SCCPDH: variants seen among roughly 807,000 people sequenced by gnomAD.
SCCPDH encodes saccharopine dehydrogenase-like oxidoreductase.
In SCCPDH, 34 loss-of-function variants were observed where a neutral mutation model predicts 51.5. The observed-to-expected ratio is 0.66, with a 90% CI of 0.50 to 0.88. The LOEUF is 0.88. SCCPDH is among the 40% of genes least tolerant of loss of function. The probability of loss-of-function intolerance (pLI) is 0.00; values close to 1 mark genes in which losing one functional copy is unlikely to be tolerated. For missense variants in SCCPDH, 464 were observed against 527.1 expected (o/e 0.88, Z 1.17); for synonymous variants, 187 against 191.3 (o/e 0.98, Z 0.19).
At position 246,731,959 on chromosome 1, in the gene SCCPDH, C is replaced by T. The variant is rs534701927; in HGVS notation, c.304-4016C>T. On this transcript the variant is annotated intron_variant, in intron 2 of 11. Coordinates refer to ENST00000366510, the MANE Select transcript of SCCPDH (RefSeq NM_016002.3). ...GTTCCCACCTGTGAGTGAGATCATGCGGTATTTGGTTTTCTGTCCTTGTGA... is the reference window on the plus strand; with the variant it reads ...GTTCCCACCTGTGAGTGAGATCATGTGGTATTTGGTTTTCTGTCCTTGTGA... Among the ~76,000 whole-genome samples, 8 of 151,328 alleles carry T rather than the reference C, an allele frequency of 5.3e-5. No homozygotes were observed. The East Asian group carries it at 5.9e-4, about 11-fold the overall frequency.
chr1:246,730,647 G>A (rs1017407514), intron 2 of SCCPDH, among the ~76,000 whole-genome samples: 1 of 152,180 alleles, frequency 6.6e-6, no homozygotes, highest in Non-Finnish European at 1.5e-5. Flanking sequence ...TTAACGGAAC[G>A]TCATGTTTTT....
intron 3 of SCCPDH, among the ~76,000 whole-genome samples, chr1:246,738,226 C>A (rs1309947706): frequency 1.3e-5 from 2 of 151,166 alleles, no homozygotes; most frequent in Non-Finnish European, 2.9e-5. Context: ...ATTAAAGAAC[C>A]AGAGGGCTGG....
rs1297374518 is a variant in SCCPDH at position 246,760,276 on chromosome 1, A to G, written c.990+49A>G. ...CTAAAATAATATTTTTCTTTGTGCA[A>G]TGACGGTATCATCTAACACTTGACA... On this transcript the variant is annotated intron_variant, in intron 9 of 11. Transcript: ENST00000366510. 24 of 1,491,170 alleles carry G rather than the reference A, an allele frequency of 1.6e-5. No homozygotes were observed. In the South Asian group the frequency reaches 1.7e-4, roughly 11 times the overall value. 92.4% of individuals were successfully genotyped at this position (1,491,170 alleles called of 1,614,324 possible). A position where few individuals can be genotyped will look rare whatever the true frequency, so the allele number is the denominator to read the frequency against.
chr1:246,741,327 A>T lies in SCCPDH; in HGVS notation c.514+1026A>T, dbSNP rs1572297164. ...CTATATAAAATTTTAATCCAGTGCC[A>T]TTTTAAAAAGTTTTTTAAGAGACAG... is the stretch of plus-strand genomic sequence containing the variant. On this transcript the variant is annotated intron_variant, in intron 4 of 11. Coordinates refer to ENST00000366510, the MANE Select transcript of SCCPDH (RefSeq NM_016002.3). Among the ~76,000 whole-genome samples the T allele has an allele frequency of 7.2e-5, 11 of 152,308 alleles. No homozygotes were observed. The South Asian group carries it at 2.3e-3, about 32-fold the overall frequency.
At chr1:246,760,259 A>T in intron 9 of SCCPDH, 32 bp downstream of exon 9, 2 of 1,559,820 alleles carry the variant, frequency 1.3e-6, no homozygotes, top group Non-Finnish European at 1.7e-6. Flanking sequence ...CACTAAAATA[A>T]TATTTTTCTT....
At chr1:246,737,814 A>C (rs900386436) in intron 3 of SCCPDH, among the ~76,000 whole-genome samples, 11 of 151,344 alleles carry the variant, frequency 7.3e-5, no homozygotes, top group Non-Finnish European at 1.3e-4. Flanking sequence ...TTGGTCTTGA[A>C]CTCCTGGCCT....
intron 9 of SCCPDH, among the ~76,000 whole-genome samples, chr1:246,761,874 A>G (rs1346550151): frequency 6.6e-6 from 1 of 152,216 alleles, no homozygotes; most frequent in Non-Finnish European, 1.5e-5. Context: ...ATACCTCTTC[A>G]AGACTCTGCT....
At chr1:246,758,901 G>A in intron 6 of SCCPDH, 133 bp from the exon 7 acceptor site, 1 of 704,350 alleles carries the variant, frequency 1.4e-6, no homozygotes, top group East Asian at 2.6e-5. Context: ...TGATCCTCCT[G>A]CCTCGGCCTC....
At chr1:246,731,993 T>C (rs1476704625) in intron 2 of SCCPDH, among the ~76,000 whole-genome samples, 2 of 152,082 alleles carry the variant, frequency 1.3e-5, no homozygotes, top group African/African-American at 4.8e-5. Flanking sequence ...GATAGTTTGC[T>C]CAGAATGATG....
intron 5 of SCCPDH, among the ~76,000 whole-genome samples, chr1:246,754,097 C>T (rs771089520): frequency 3.9e-5 from 6 of 151,912 alleles, no homozygotes; most frequent in Non-Finnish European, 7.4e-5. Flanking sequence ...ATCCTTTAGC[C>T]CCACCTGCTG....
intron 2 of SCCPDH, among the ~76,000 whole-genome samples, chr1:246,730,424 C>T (rs943321988): frequency 5.9e-5 from 9 of 152,194 alleles, no homozygotes; most frequent in East Asian, 3.8e-4. Flanking sequence ...GAGGCCTCAG[C>T]GTTTAAGCTT....
At chr1:246,730,291 T>G (rs1325407517) in intron 2 of SCCPDH, among the ~76,000 whole-genome samples, 2 of 152,170 alleles carry the variant, frequency 1.3e-5, no homozygotes, top group African/African-American at 4.8e-5. Context: ...CTGACCACTT[T>G]CTCCTTTCTT....
At chr1:246,727,064 T>C in intron 2 of SCCPDH, 60 bp downstream of exon 2, 2 of 1,282,332 alleles carry the variant, frequency 1.6e-6, no homozygotes, top group Middle Eastern at 1.8e-4. Context: ...TAGCAAAATA[T>C]TCCAGAGGAA....
intron 2 of SCCPDH, among the ~76,000 whole-genome samples, chr1:246,731,780 G>A (rs942975129): frequency 1.3e-5 from 2 of 152,028 alleles, no homozygotes; most frequent in South Asian, 4.2e-4. Flanking sequence ...TCGTTACATA[G>A]GTATACATGT....
At chr1:246,758,392 G>A in intron 6 of SCCPDH, 36 bp downstream of exon 6, 1 of 1,510,170 alleles carries the variant, frequency 6.6e-7, no homozygotes, top group Non-Finnish European at 9.0e-7. Context: ...TATATATCTA[G>A]TCTAAGTATA....
intron 5 of SCCPDH, among the ~76,000 whole-genome samples, chr1:246,750,729 G>A (rs1162914065): frequency 1.3e-5 from 2 of 152,188 alleles, no homozygotes; most frequent in Admixed American, 6.5e-5. Context: ...CTTGAAAAGG[G>A]AATAGTTTGT....
chr1:246,735,388 C>A (rs1193437468), intron 2 of SCCPDH, among the ~76,000 whole-genome samples: 1 of 152,052 alleles, frequency 6.6e-6, no homozygotes, highest in Non-Finnish European at 1.5e-5. Context: ...TTTATTTGTT[C>A]TTTAGGGTTC....
intron 4 of SCCPDH, among the ~76,000 whole-genome samples, chr1:246,742,588 C>T (rs1668697606): frequency 6.6e-6 from 1 of 152,170 alleles, no homozygotes. Flanking sequence ...TAATGATCTG[C>T]TTTTTATTTT....
chr1:246,734,762 A>C (rs1019051033), intron 2 of SCCPDH, among the ~76,000 whole-genome samples: 6 of 152,242 alleles, frequency 3.9e-5, no homozygotes, highest in African/African-American at 1.4e-4. Flanking sequence ...TGAATAAAGC[A>C]GAGGAGTTTG....
Sources: allele counts gnomAD v4.1 joint callset (sites outside exome capture counted in the v4.1 genomes callset), GRCh38; gene constraint gnomAD v4.1.1; transcripts MANE v1.5; gene names NCBI Gene and HGNC (gene_info 2026-07-23, HGNC 2026-07-21).